Variants in AFF2 observed in about 807,000 individuals in gnomAD.
AFF2 encodes AF4/FMR2 family member 2.
Under a neutral mutation model 76.9 loss-of-function variants are expected in AFF2, and 14 were observed. The observed-to-expected ratio is 0.18, with a 90% confidence interval of 0.12 to 0.28. The LOEUF (loss-of-function observed/expected upper bound fraction) is 0.28, where lower values mean the gene tolerates loss of function less well. AFF2 is among the 10% of genes least tolerant of loss of function. AFF2 has a pLI of 1.00. For synonymous variants in AFF2, 398 were observed against 366.7 expected (o/e 1.09, Z -0.98); for missense variants, 868 against 1,001.1 (o/e 0.87, Z 1.79).
chrX:148,715,195 T>A (rs976911011), intron 3 of AFF2, among the ~76,000 whole-genome samples: 2 of 111,272 alleles, frequency 1.8e-5, no homozygotes, highest in African/African-American at 6.5e-5. Context: ...GGACACATTA[T>A]GTTTGCAGAG....
chrX:148,747,695 A>C (rs370001209), intron 3 of AFF2, among the ~76,000 whole-genome samples: 1 of 111,755 alleles, frequency 8.9e-6, no homozygotes, highest in Non-Finnish European at 1.9e-5. Flanking sequence ...GAAATCTTTT[A>C]GACTCTCAAA....
chrX:148,874,007 A>G (rs1431056502), intron 7 of AFF2, among the ~76,000 whole-genome samples: 2 of 111,689 alleles, frequency 1.8e-5, no homozygotes, highest in African/African-American at 6.5e-5. Context: ...TTCTGATTCT[A>G]TCTAGACAGC....
chrX:148,744,169 CA>C (rs1368545362), intron 3 of AFF2, among the ~76,000 whole-genome samples: 6 of 110,884 alleles, frequency 5.4e-5, no homozygotes, highest in African/African-American at 2.0e-4. Flanking sequence ...TTAATGCTCA[CA>C]ATAGGCCTGT....
chrX:148,658,580 T>A (rs1414639008), intron 2 of AFF2, among the ~76,000 whole-genome samples: 1 of 112,443 alleles, frequency 8.9e-6, no homozygotes, highest in Non-Finnish European at 1.9e-5. Flanking sequence ...TGCATCATTT[T>A]GGAAAATGAG....
chrX:148,700,744 G>T (rs1203896352), intron 3 of AFF2, among the ~76,000 whole-genome samples: 2 of 110,705 alleles, frequency 1.8e-5, no homozygotes, highest in African/African-American at 6.6e-5. Flanking sequence ...CTAATTTACT[G>T]CTGTGCAAAC....
At chrX:148,607,237 A>G (rs1478247020) in intron 1 of AFF2, among the ~76,000 whole-genome samples, 1 of 111,249 alleles carries the variant, frequency 9.0e-6, no homozygotes, top group African/African-American at 3.3e-5. Flanking sequence ...TAGAATAGAG[A>G]TATAAAATTA....
At chrX:148,873,783 C>A (rs1269150794) in intron 7 of AFF2, among the ~76,000 whole-genome samples, 1 of 111,180 alleles carries the variant, frequency 9.0e-6, no homozygotes, top group Non-Finnish European at 1.9e-5. Flanking sequence ...AAGGTGTAAG[C>A]CCTCAAGTCA....
intron 3 of AFF2, among the ~76,000 whole-genome samples, chrX:148,664,415 T>C (rs241111): frequency 0.036 from 4,052 of 111,511 alleles, 95 homozygotes; most frequent in Non-Finnish European, 0.054. Context: ...CAGCCTAGAA[T>C]GTCTTTCCCC....
chrX:148,889,039 A>T (rs1557279427), intron 8 of AFF2, among the ~76,000 whole-genome samples: 1 of 111,856 alleles, frequency 8.9e-6, no homozygotes, highest in African/African-American at 3.2e-5. Flanking sequence ...ATCCATAATC[A>T]TCACACCTTG....
chrX:148,847,871 C>G (rs1435563738), intron 7 of AFF2, among the ~76,000 whole-genome samples: 1 of 112,187 alleles, frequency 8.9e-6, no homozygotes, highest in Non-Finnish European at 1.9e-5. Flanking sequence ...TCCCATCTTA[C>G]AGATGAGCAA....
intron 1 of AFF2, among the ~76,000 whole-genome samples, chrX:148,536,975 A>G (rs1190482130): frequency 8.9e-6 from 1 of 112,643 alleles, no homozygotes; most frequent in Non-Finnish European, 1.9e-5. Flanking sequence ...TCTGTTGTAA[A>G]CAATTTATTG....
chrX:148,978,590 C>T, intron 18 of AFF2, 135 bp downstream of exon 18: 1 of 458,593 alleles, frequency 2.2e-6, no homozygotes, highest in Non-Finnish European at 3.7e-6. Context: ...GCCGTCCTAC[C>T]CTTCCTTAAG....
chrX:148,674,411 A>G (rs183622499), intron 3 of AFF2, among the ~76,000 whole-genome samples: 2 of 111,485 alleles, frequency 1.8e-5, no homozygotes, highest in South Asian at 3.8e-4. Context: ...GAAAGTGGGG[A>G]AAGTCAGTTT....
At chrX:148,955,112 A>G (rs1431644835) in intron 10 of AFF2, among the ~76,000 whole-genome samples, 1 of 112,864 alleles carries the variant, frequency 8.9e-6, no homozygotes, top group East Asian at 2.8e-4. Context: ...AGGGAATGAC[A>G]GCATCACATA....
At chrX:148,517,702 C>T (rs1339411635) in intron 1 of AFF2, among the ~76,000 whole-genome samples, 1 of 111,590 alleles carries the variant, frequency 9.0e-6, no homozygotes, top group Non-Finnish European at 1.9e-5. Context: ...GTTCTTTTTG[C>T]CAAAGGGACT....
At chrX:148,737,655 T>A (rs1285657856) in intron 3 of AFF2, among the ~76,000 whole-genome samples, 8 of 111,814 alleles carry the variant, frequency 7.2e-5, no homozygotes, top group Non-Finnish European at 1.5e-4. Context: ...CAGTACTATG[T>A]TGAAGAGGAG....
intron 7 of AFF2, among the ~76,000 whole-genome samples, chrX:148,856,754 G>T (rs1557275932): frequency 8.9e-6 from 1 of 112,473 alleles, no homozygotes; most frequent in African/African-American, 3.2e-5. Context: ...ATGAAAAACT[G>T]CTTTTGAAAT....
rs1398014844 is a variant in AFF2, at chrX:148,995,344, A to G, written c.*4012A>G. ...ATCCTACCATCTGATATTTTTGGTG[A>G]AGGAAAAAGTATTAATTCTCTTTCC... On this transcript the variant is annotated 3_prime_UTR_variant, in exon 21 of 21. Transcript: ENST00000370460. 9.1e-6 allele frequency: 1 copy of G among 110,352 alleles called. No individual in the cohort carries two copies. Among genetic ancestry groups the G allele is most frequent in the Non-Finnish European group, 1.9e-5 (1 of 52,758 alleles). 9.1% of individuals were successfully genotyped at this position (110,352 alleles called of 1,213,427 possible).
intron 3 of AFF2, among the ~76,000 whole-genome samples, chrX:148,802,929 T>C (rs1402954009): frequency 1.8e-5 from 2 of 112,163 alleles, no homozygotes; most frequent in African/African-American, 3.2e-5. Context: ...CAATCTAGTT[T>C]GTACATCTCT....
Sources: gnomAD v4.1 joint callset for allele counts (sites outside exome capture counted in the v4.1 genomes callset) on GRCh38, gnomAD v4.1.1 for gene constraint, MANE v1.5 for transcripts, NCBI Gene and HGNC (gene_info 2026-07-23, HGNC 2026-07-21) for gene names.